Variants in NBPF26 observed in about 807,000 individuals in gnomAD.
The protein encoded by NBPF26 is NBPF family member NBPF26.
In NBPF26, 79 loss-of-function variants were observed where a neutral mutation model predicts 119.6. That is an observed-to-expected ratio of 0.66 (90% CI 0.55 to 0.80). NBPF26 has a LOEUF of 0.80. NBPF26 is among the 30% of genes least tolerant of loss of function. The pLI, the probability that NBPF26 is intolerant of heterozygous loss-of-function variation, is 0.00. For missense variants in NBPF26, 800 were observed against 1,198.2 expected (o/e 0.67, Z 4.91); for synonymous variants, 299 against 457.7 (o/e 0.65, Z 4.43).
chr1:120,801,765 G>A (rs1553269039), intron 4 of NBPF26, among the ~76,000 whole-genome samples: 1,473 of 84,410 alleles, frequency 0.017, 63 homozygotes, highest in East Asian at 0.076. Flanking sequence ...GGAGTTCAAG[G>A]TTGCAGTGAT....
At chr1:120,750,733 A>G (rs1286984684) in intron 1 of NBPF26, among the ~76,000 whole-genome samples, 1 of 113,632 alleles carries the variant, frequency 8.8e-6, no homozygotes, top group Non-Finnish European at 1.7e-5. Flanking sequence ...GGCACACATA[A>G]AAACTCACTG....
At chr1:120,769,260 G>T (rs1274214855) in intron 2 of NBPF26, among the ~76,000 whole-genome samples, 1 of 151,658 alleles carries the variant, frequency 6.6e-6, no homozygotes, top group African/African-American at 2.4e-5. Flanking sequence ...GTTCTGTTGT[G>T]GTGCTTCTCC....
chr1:120,790,807 C>T (rs1651484895), intron 3 of NBPF26, among the ~76,000 whole-genome samples: 1 of 104,334 alleles, frequency 9.6e-6, no homozygotes, highest in African/African-American at 6.3e-5. Context: ...ACCATGTTGG[C>T]CAGGCTGGTC....
rs1651967945 is a variant in NBPF26 at position 120,814,733 on chromosome 1, T to C, written c.1878-96T>C. Reference sequence around the variant, plus strand: ...TGTGCTGACCTTCTGCTTCGAGGTCTCCTTGAGGACATTGTCTCAGAAATC... The same window carrying C: ...TGTGCTGACCTTCTGCTTCGAGGTCCCCTTGAGGACATTGTCTCAGAAATC... On this transcript the variant is annotated intron_variant, in intron 11 of 29. Coordinates refer to ENST00000620612, the Ensembl canonical transcript of NBPF26. The C allele has an allele frequency of 4.1e-6, 3 of 733,630 alleles. 1 individual carries two copies. In the South Asian group the frequency reaches 4.5e-5, roughly 11 times the overall value. 45.4% of individuals were successfully genotyped at this position (733,630 alleles called of 1,614,324 possible).
At chr1:120,813,027 G>T (rs1289823291) in intron 10 of NBPF26, among the ~76,000 whole-genome samples, 1 of 119,240 alleles carries the variant, frequency 8.4e-6, no homozygotes, top group South Asian at 2.4e-4. Context: ...GGGGCACAGA[G>T]TCTTGTTGCT....
In NBPF26 at chr1:120,764,033, G is replaced by T. The variant is rs1289432487; in HGVS notation, c.155+324G>T. Among the ~76,000 whole-genome samples the T allele has an allele frequency of 2.4e-4, 27 of 114,220 alleles. 5 individuals are homozygous for T. The South Asian group carries it at 7.0e-3, about 30-fold the overall frequency. The allele number at this position is 114,220 out of a possible 152,430, so 74.9% of individuals were successfully genotyped here. ...GGAGGCTGAGTTGGGCGAATCACGA[G>T]GTCAGGAGTTCAAGATCAGCCTGGC... is the stretch of plus-strand genomic sequence containing the variant. On this transcript the variant is annotated intron_variant, in intron 2 of 29. Coordinates refer to ENST00000620612, the Ensembl canonical transcript of NBPF26.
intron 9 of NBPF26, among the ~76,000 whole-genome samples, chr1:120,811,366 C>T (rs1651861188): frequency 9.0e-6 from 1 of 111,126 alleles, no homozygotes; most frequent in East Asian, 2.1e-4. Context: ...TCCAAGATGG[C>T]GAAACCCCAT....
Position 120,811,858 on chromosome 1 carries a change from A to G in NBPF26, c.1565-28A>G. 9 of 756,960 alleles carry G rather than the reference A, an allele frequency of 1.2e-5. 2 individuals carry two copies. Among genetic ancestry groups the G allele is most frequent in the South Asian group, 5.8e-5 (4 of 68,646 alleles). 46.9% of individuals were successfully genotyped at this position (756,960 alleles called of 1,614,324 possible). A position where few individuals can be genotyped will look rare whatever the true frequency, so the allele number is the denominator to read the frequency against. On this transcript the variant is annotated intron_variant, in intron 9 of 29. Transcript: ENST00000620612. ...ATTTGATTTCACCAGTTTTTAACCC[A>G]TCATGTGTTTGCCTTTCTTCTCCCC...
chr1:120,814,764 T>G, intron 11 of NBPF26, 65 bp from the exon 12 acceptor site: 2 of 1,016,402 alleles, frequency 2.0e-6, no homozygotes, highest in Non-Finnish European at 3.0e-6. Context: ...AAATCTCTGT[T>G]GCAATATTTG....
chr1:120,840,430 T>A (rs1652490507), exon 30 of NBPF26: 1 of 1,471,400 alleles, frequency 6.8e-7, no homozygotes, highest in African/African-American at 2.0e-5. Flanking sequence ...ACTCCGTCAA[T>A]GTACTTTGAA....
At chr1:120,765,194 C>CT (rs1651177832) in intron 2 of NBPF26, among the ~76,000 whole-genome samples, 2 of 118,284 alleles carry the variant, frequency 1.7e-5, no homozygotes, top group Admixed American at 1.6e-4. Context: ...GCATTCTCCT[C>CT]TAAGAATGGA....
intron 1 of NBPF26, among the ~76,000 whole-genome samples, chr1:120,759,043 G>C (rs1651105646): frequency 9.5e-6 from 1 of 105,280 alleles, no homozygotes. Flanking sequence ...TAGAAATAAG[G>C]TTCCTGAGGA....
At position 120,776,214 on chromosome 1, in the gene NBPF26, A is replaced by G. The variant is rs1191649780; in HGVS notation, c.156-8760A>G. Among the ~76,000 whole-genome samples, 2 of 116,856 alleles carry G rather than the reference A, an allele frequency of 1.7e-5. 1 individual carries two copies. Among genetic ancestry groups the G allele is most frequent in the Non-Finnish European group, 3.3e-5 (2 of 61,030 alleles). 76.7% of individuals were successfully genotyped at this position (116,856 alleles called of 152,430 possible). A position where few individuals can be genotyped will look rare whatever the true frequency, so the allele number is the denominator to read the frequency against. On this transcript the variant is annotated intron_variant, in intron 2 of 29. Transcript: ENST00000620612. Reference sequence around the variant, plus strand: ...TTGACAGATAATCATAATAAGGGCTAATGAGTAACACAGGCTCAGGGTTAT... The same window carrying G: ...TTGACAGATAATCATAATAAGGGCTGATGAGTAACACAGGCTCAGGGTTAT...
rs1306997932 is a variant in NBPF26 at position 120,823,472 on chromosome 1, G to C, written c.2639+112G>C. 11 of 688,826 alleles carry C rather than the reference G, an allele frequency of 1.6e-5. 1 individual carries two copies. Among genetic ancestry groups the C allele is most frequent in the Non-Finnish European group, 2.7e-5 (11 of 409,674 alleles). 42.7% of individuals were successfully genotyped at this position (688,826 alleles called of 1,614,324 possible). ...TGATTTTGTCTTGTCAGACAAGTCT[G>C]AATTATGCCTACTACATTGCTTTTT... On this transcript the variant is annotated intron_variant, in intron 17 of 29. Coordinates refer to ENST00000620612, the Ensembl canonical transcript of NBPF26.
At position 120,802,173 on chromosome 1, in the gene NBPF26, C is replaced by T. The variant is rs1429686718; in HGVS notation, c.752-3383C>T. Among the ~76,000 whole-genome samples, 6 of 118,844 alleles carry T rather than the reference C, an allele frequency of 5.0e-5. 1 individual carries two copies. Among genetic ancestry groups the T allele is most frequent in the African/African-American group, 1.3e-4 (3 of 23,368 alleles). 78.0% of individuals were successfully genotyped at this position (118,844 alleles called of 152,430 possible). On this transcript the variant is annotated intron_variant, in intron 4 of 29. Transcript: ENST00000620612. ...TAAACTATAAGGTCGATGGTATCAG[C>T]GGGTCCCCAAACTGACTGCACATCT... is the stretch of plus-strand genomic sequence containing the variant.
At chr1:120,833,409 C>T (rs1367764860) in intron 23 of NBPF26, among the ~76,000 whole-genome samples, 194 bp from the exon 28 acceptor site, 1 of 93,162 alleles carries the variant, frequency 1.1e-5, no homozygotes, top group Admixed American at 1.0e-4. Context: ...CTCTCTCTCT[C>T]TCTGTCTTTC....
Position 120,786,333 on chromosome 1 carries a change from C to A in NBPF26, c.415+1100C>A, listed in dbSNP as rs1303193586. On this transcript the variant is annotated intron_variant, in intron 3 of 29. Transcript: ENST00000620612. ...AAGCCAACCTCTGAGTTGCCTTTCA[C>A]CTGTCTATTCCTCCCATTTCCTCTG... 6.1e-5 allele frequency among the ~76,000 whole-genome samples: 6 copies of A among 98,700 alleles called. 2 individuals carry two copies. Among genetic ancestry groups the A allele is most frequent in the African/African-American group, 2.9e-4 (4 of 13,894 alleles). The allele number at this position is 98,700 out of a possible 152,430, so 64.8% of individuals were successfully genotyped here.
At chr1:120,816,780 G>A (rs1391129354) in exon 14 of NBPF26, 4 of 1,421,472 alleles carry the variant, frequency 2.8e-6, no homozygotes, top group Non-Finnish European at 3.7e-6. Flanking sequence ...ACTCTCATTG[G>A]CTCATCCTCT....
intron 6 of NBPF26, among the ~76,000 whole-genome samples, chr1:120,808,149 C>G (rs1651751956): frequency 8.5e-6 from 1 of 117,454 alleles, no homozygotes; most frequent in Non-Finnish European, 1.7e-5. Context: ...TTCAATTCGC[C>G]CCATCTGCAC....
Sources: gnomAD v4.1 joint callset for allele counts (sites outside exome capture counted in the v4.1 genomes callset) on GRCh38, gnomAD v4.1.1 for gene constraint, MANE v1.5 for transcripts, NCBI Gene and HGNC (gene_info 2026-07-23, HGNC 2026-07-21) for gene names.